PRKG1: variants seen among roughly 807,000 people sequenced by gnomAD.
The protein encoded by PRKG1 is protein kinase cGMP-dependent 1.
A neutral mutation model predicts 88.1 loss-of-function variants in PRKG1; 35 were observed. The observed-to-expected ratio is 0.40, with a 90% confidence interval of 0.30 to 0.53. PRKG1 has a LOEUF of 0.53. PRKG1 is among the 20% of genes least tolerant of loss of function. The probability of loss-of-function intolerance (pLI) is 0.59; values close to 1 mark genes in which losing one functional copy is unlikely to be tolerated. For missense variants in PRKG1, 540 were observed against 839.8 expected (o/e 0.64, Z 4.41); for synonymous variants, 303 against 292.5 (o/e 1.04, Z -0.37).
intron 3 of PRKG1, chr10:51,696,161 C>A (rs887755560): frequency 1.3e-5 from 2 of 152,116 alleles, no homozygotes; most frequent in East Asian, 3.9e-4. Context: ...TATATAAAAA[C>A]TTCTACCTAC....
chr10:51,466,474 C>T (rs188132128), intron 2 of PRKG1, among the ~76,000 whole-genome samples: 12 of 152,136 alleles, frequency 7.9e-5, no homozygotes, highest in Admixed American at 7.2e-4. Flanking sequence ...ATTCTCTCTT[C>T]ATTGATACCA....
chr10:52,024,479 A>T (rs982853133), intron 5 of PRKG1, among the ~76,000 whole-genome samples: 1 of 150,624 alleles, frequency 6.6e-6, no homozygotes, highest in Non-Finnish European at 1.5e-5. Context: ...TCCCTCCCCC[A>T]TTCCCCCACC....
chr10:51,720,612 G>A (rs1463760688), intron 3 of PRKG1, among the ~76,000 whole-genome samples: 2 of 152,266 alleles, frequency 1.3e-5, no homozygotes, highest in Non-Finnish European at 1.5e-5. Flanking sequence ...CAGAAAAGGA[G>A]CACTGTGCAT....
intron 2 of PRKG1, among the ~76,000 whole-genome samples, chr10:51,460,102 C>T (rs1839707277): frequency 6.6e-6 from 1 of 152,070 alleles, no homozygotes; most frequent in Admixed American, 6.6e-5. Flanking sequence ...ATTATAACTG[C>T]AGCCCTAGCC....
At chr10:51,131,437 G>T (rs772276762) in intron 1 of PRKG1, among the ~76,000 whole-genome samples, 1 of 152,080 alleles carries the variant, frequency 6.6e-6, no homozygotes, top group African/African-American at 2.4e-5. Flanking sequence ...TGTAACTTTT[G>T]TTTAACCTAT....
intron 2 of PRKG1, among the ~76,000 whole-genome samples, chr10:51,173,458 C>A (rs1024076958): frequency 3.3e-5 from 5 of 151,148 alleles, no homozygotes; most frequent in African/African-American, 1.2e-4. Flanking sequence ...TGTGTAAATT[C>A]TCAACTTTTT....
intron 2 of PRKG1, among the ~76,000 whole-genome samples, chr10:51,321,027 G>A (rs1404905608): frequency 6.6e-6 from 1 of 151,980 alleles, no homozygotes; most frequent in Admixed American, 6.6e-5. Context: ...CTATTTATCT[G>A]CAAGGAGATA....
chr10:51,446,808 A>G (rs1187939461), intron 2 of PRKG1, among the ~76,000 whole-genome samples: 1 of 152,090 alleles, frequency 6.6e-6, no homozygotes, highest in African/African-American at 2.4e-5. Flanking sequence ...CATGTTGACT[A>G]TCTTATGGTT....
At position 52,149,258 on chromosome 10, in the gene PRKG1, G is replaced by T. The variant is rs149935330; in HGVS notation, c.1002-12631G>T. Reference sequence around the variant, plus strand: ...AGATTTTCATTTGTAGCTTTTGAAAGGTTCATAAAAAGCTGAGTTCTTTTT... The same window carrying T: ...AGATTTTCATTTGTAGCTTTTGAAATGTTCATAAAAAGCTGAGTTCTTTTT... On this transcript the variant is annotated intron_variant, in intron 8 of 17. Transcript: ENST00000373980. 2.1e-3 allele frequency among the ~76,000 whole-genome samples: 318 copies of T among 151,314 alleles called. 3 individuals are homozygous for T. Among genetic ancestry groups the T allele is most frequent in the African/African-American group, 7.1e-3 (293 of 41,248 alleles).
At chr10:51,476,211 T>G (rs961310851) in intron 3 of PRKG1, among the ~76,000 whole-genome samples, 2 of 152,018 alleles carry the variant, frequency 1.3e-5, no homozygotes, top group Admixed American at 1.3e-4. Flanking sequence ...AATTGAGACC[T>G]GTAGAGATCG....
At chr10:51,158,897 A>G (rs1218406143) in intron 2 of PRKG1, among the ~76,000 whole-genome samples, 3 of 152,052 alleles carry the variant, frequency 2.0e-5, no homozygotes, top group Non-Finnish European at 4.4e-5. Context: ...TACTAACTCT[A>G]AGTGTTATGT....
chr10:51,809,354 T>C (rs1467008227), intron 4 of PRKG1, among the ~76,000 whole-genome samples: 5 of 152,202 alleles, frequency 3.3e-5, no homozygotes, highest in South Asian at 2.1e-4. Flanking sequence ...AGTCAAACGA[T>C]GATTTTGCCA....
intron 3 of PRKG1, among the ~76,000 whole-genome samples, chr10:51,544,579 G>C (rs548090721): frequency 3.0e-4 from 46 of 152,182 alleles, no homozygotes; most frequent in Admixed American, 1.1e-3. Flanking sequence ...CCAGTAATGG[G>C]ATGGCTGGGT....
At position 52,241,873 on chromosome 10, in the gene PRKG1, C is replaced by A. The variant is rs1215899884; in HGVS notation, c.1077-9697C>A. On this transcript the variant is annotated intron_variant, in intron 9 of 17. Transcript: ENST00000373980. Reference sequence around the variant, plus strand: ...AAATGTTTCCATCTTTCTTTGAATACCCTCCATTTAACAAATGACCTGCAA... The same window carrying A: ...AAATGTTTCCATCTTTCTTTGAATAACCTCCATTTAACAAATGACCTGCAA... 2.0e-5 allele frequency among the ~76,000 whole-genome samples: 3 copies of A among 152,130 alleles called. No individual in the cohort carries two copies. The South Asian group carries it at 6.2e-4, about 32-fold the overall frequency.
chr10:51,292,970 A>G (rs1469056562), intron 2 of PRKG1, among the ~76,000 whole-genome samples: 1 of 152,054 alleles, frequency 6.6e-6, no homozygotes, highest in African/African-American at 2.4e-5. Flanking sequence ...CTAGGGTACA[A>G]CTGTGCTCAA....
intron 8 of PRKG1, among the ~76,000 whole-genome samples, chr10:52,138,764 T>C (rs927535146): frequency 6.6e-6 from 1 of 152,086 alleles, no homozygotes; most frequent in African/African-American, 2.4e-5. Context: ...TTGTAGGGCA[T>C]TGCAAGTAGC....
chr10:51,779,070 A>G (rs1418108494), intron 3 of PRKG1, among the ~76,000 whole-genome samples: 1 of 152,168 alleles, frequency 6.6e-6, no homozygotes, highest in African/African-American at 2.4e-5. Context: ...ATTGTTAGGT[A>G]TCCATGTTTT....
intron 3 of PRKG1, among the ~76,000 whole-genome samples, chr10:51,776,723 G>A (rs1838446896): frequency 6.6e-6 from 1 of 152,134 alleles, no homozygotes; most frequent in African/African-American, 2.4e-5. Flanking sequence ...TAACTCAGGA[G>A]GCTGAGGCAC....
At chr10:51,909,620 T>C (rs1391429739) in intron 5 of PRKG1, 3 of 151,816 alleles carry the variant, frequency 2.0e-5, no homozygotes, top group Admixed American at 1.3e-4. Context: ...AGGGAATGAA[T>C]GAATGAATGA....
Sources: allele counts gnomAD v4.1 joint callset (sites outside exome capture counted in the v4.1 genomes callset), GRCh38; gene constraint gnomAD v4.1.1; transcripts MANE v1.5; gene names NCBI Gene and HGNC (gene_info 2026-07-23, HGNC 2026-07-21).